PPP6R2: variants seen among roughly 807,000 people sequenced by gnomAD.
The protein encoded by PPP6R2 is serine/threonine-protein phosphatase 6 regulatory subunit 2.
A neutral mutation model predicts 100.2 loss-of-function variants in PPP6R2; 62 were observed. The observed-to-expected ratio is 0.62, with a 90% CI of 0.50 to 0.76. The LOEUF is 0.76. PPP6R2 is among the 30% of genes least tolerant of loss of function. PPP6R2 has a pLI of 0.00. For missense variants in PPP6R2, 1,142 were observed against 1,276.3 expected, an observed-to-expected ratio of 0.89 and a Z score of 1.60; for synonymous variants, 525 against 514.7, an observed-to-expected ratio of 1.02 and a Z score of -0.27.
At chr22:50,442,245 G>C (rs1284572450) in intron 22 of PPP6R2, among the ~76,000 whole-genome samples, 1 of 152,218 alleles carries the variant, frequency 6.6e-6, no homozygotes, top group Non-Finnish European at 1.5e-5. Context: ...CGGCAATCCT[G>C]GAGAGTCTGT....
the PPP6R2 span, among the ~76,000 whole-genome samples, chr22:50,337,131 T>G: frequency 3.4e-4 from 43 of 125,634 alleles, no homozygotes; most frequent in South Asian, 0.01. Flanking sequence ...TGTGTGTGTG[T>G]GGTGTGTCTG....
At chr22:50,380,108 G>T (rs2052529332) in intron 2 of PPP6R2, among the ~76,000 whole-genome samples, 1 of 152,160 alleles carries the variant, frequency 6.6e-6, no homozygotes, top group Non-Finnish European at 1.5e-5. Flanking sequence ...TCTGGTTCTG[G>T]TAAGAGTTTC....
chr22:50,436,163 T>C (rs2148261247), intron 13 of PPP6R2, among the ~76,000 whole-genome samples: 1 of 152,194 alleles, frequency 6.6e-6, no homozygotes, highest in East Asian at 2.0e-4. Flanking sequence ...TCAATCTCAC[T>C]GTGGCCCCAG....
At chr22:50,438,138 C>T (rs759661369) in intron 17 of PPP6R2, 36 bp from the exon 18 acceptor site, 1 of 1,593,056 alleles carries the variant, frequency 6.3e-7, no homozygotes, top group South Asian at 1.1e-5. Context: ...CTCCCCCAGA[C>T]CCTCTGGAAA....
At chr22:50,399,739 C>T (rs937612296) in intron 3 of PPP6R2, among the ~76,000 whole-genome samples, 1 of 152,274 alleles carries the variant, frequency 6.6e-6, no homozygotes, top group Non-Finnish European at 1.5e-5. Context: ...GCCTCACATG[C>T]AGCTAGCCCT....
At position 50,431,078 on chromosome 22, in the gene PPP6R2, G is replaced by A. The variant is rs2063060371; in HGVS notation, c.1126-95G>A. The A allele has an allele frequency of 9.7e-7, 1 of 1,035,952 alleles. No homozygotes were observed. The highest frequency in any genetic ancestry group is 1.4e-6 in the Non-Finnish European group (1 of 691,854). 64.2% of individuals were successfully genotyped at this position (1,035,952 alleles called of 1,614,324 possible). A position where few individuals can be genotyped will look rare whatever the true frequency, so the allele number is the denominator to read the frequency against. On this transcript the variant is annotated intron_variant, in intron 10 of 23. Coordinates refer to ENST00000612753, the MANE Select transcript of PPP6R2 (RefSeq NM_001242898.2). The surrounding 1 kb of genome is among the most constrained non-coding windows in gnomAD (Gnocchi z 4.8). The stretch of plus-strand genomic sequence containing the variant: ...AGAGACTGGACTTGTGAGGAGTTAG[G>A]ACGCCACCTTTAGGAAGGGTTTCCC...
At chr22:50,380,335 T>A (rs1014123790) in intron 2 of PPP6R2, among the ~76,000 whole-genome samples, 4 of 150,688 alleles carry the variant, frequency 2.7e-5, no homozygotes, top group Non-Finnish European at 5.9e-5. Flanking sequence ...CCTCCCAAAG[T>A]GCTGGGTTAC....
At chr22:50,411,938 G>A (rs547647836) in intron 4 of PPP6R2, among the ~76,000 whole-genome samples, 62 of 150,482 alleles carry the variant, frequency 4.1e-4, no homozygotes, top group African/African-American at 9.5e-4. Context: ...CCAGCTACTC[G>A]GGAGCCTGAG....
At chr22:50,441,470 G>A (rs1183858860) in intron 22 of PPP6R2, among the ~76,000 whole-genome samples, 7 of 152,206 alleles carry the variant, frequency 4.6e-5, no homozygotes, top group East Asian at 1.9e-4. Context: ...TCTGGCAGGC[G>A]AGCGGGCATC....
intron 10 of PPP6R2, among the ~76,000 whole-genome samples, chr22:50,429,331 G>T (rs940003056): frequency 6.6e-6 from 1 of 152,056 alleles, no homozygotes; most frequent in Non-Finnish European, 1.5e-5. Context: ...GCACCTGGCC[G>T]TATGTGGAAT....
upstream of PPP6R2, among the ~76,000 whole-genome samples, chr22:50,340,646 G>T (rs1409486620): frequency 1.3e-5 from 2 of 151,590 alleles, no homozygotes; most frequent in African/African-American, 4.9e-5. Flanking sequence ...AGTGACCAGG[G>T]AAACCCCCAC....
chr22:50,425,969 T>C (rs773392659), intron 10 of PPP6R2, among the ~76,000 whole-genome samples: 6 of 152,114 alleles, frequency 3.9e-5, no homozygotes, highest in Non-Finnish European at 8.8e-5. Flanking sequence ...TTGGGTTATC[T>C]TTTTACATAA....
intron 1 of PPP6R2, among the ~76,000 whole-genome samples, chr22:50,351,551 A>G (rs568235539): frequency 3.4e-4 from 51 of 152,032 alleles, no homozygotes; most frequent in Middle Eastern, 6.8e-3. Context: ...GTTGTTTGCC[A>G]TAGCCTCCTT....
chr22:50,435,106 TCTG>T (rs779764895), intron 13 of PPP6R2, 25 bp downstream of exon 13: 11 of 1,492,914 alleles, frequency 7.4e-6, no homozygotes, highest in African/African-American at 5.6e-5. Flanking sequence ...CGGTCATCCT[TCTG>T]CTGGTCGCGG....
intron 1 of PPP6R2, among the ~76,000 whole-genome samples, chr22:50,360,822 A>T (rs1309881630): frequency 1.3e-5 from 2 of 152,174 alleles, no homozygotes; most frequent in Admixed American, 1.3e-4. Context: ...AGTCTCTCTC[A>T]GGTTTGGCAC....
intron 3 of PPP6R2, among the ~76,000 whole-genome samples, chr22:50,402,863 A>AT (rs2058271246): frequency 6.6e-6 from 1 of 152,238 alleles, no homozygotes; most frequent in Non-Finnish European, 1.5e-5. Context: ...CTAGAGAATC[A>AT]GTGTCTTCTA....
In PPP6R2 at chr22:50,343,459, C is replaced by T. The variant is rs1201567602; in HGVS notation, c.-239C>T. On this transcript the variant is annotated 5_prime_UTR_variant, in exon 1 of 24. Transcript: ENST00000612753. ...TGTGTGTGCGGCCCGCCCGAGGCCGCCCGGGCTTTGCCTCCACCAGCGCCC... is the reference window on the plus strand; with the variant it reads ...TGTGTGTGCGGCCCGCCCGAGGCCGTCCGGGCTTTGCCTCCACCAGCGCCC... 1.3e-5 allele frequency: 2 copies of T among 151,476 alleles called. No individual in the cohort carries two copies. Among genetic ancestry groups the T allele is most frequent in the Non-Finnish European group, 3.0e-5 (2 of 67,654 alleles). The allele number at this position is 151,476 out of a possible 1,614,324, so 9.4% of individuals were successfully genotyped here.
rs566858916 is a variant in PPP6R2 at position 50,445,061 on chromosome 22, T to G, written c.*814T>G. 1.3e-5 allele frequency: 2 copies of G among 152,576 alleles called. No homozygotes were observed. Among genetic ancestry groups the G allele is most frequent in the Non-Finnish European group, 2.9e-5 (2 of 68,134 alleles). 9.5% of individuals were successfully genotyped at this position (152,576 alleles called of 1,614,324 possible). A position where few individuals can be genotyped will look rare whatever the true frequency, so the allele number is the denominator to read the frequency against. On this transcript the variant is annotated 3_prime_UTR_variant, in exon 24 of 24. Coordinates refer to ENST00000612753, the MANE Select transcript of PPP6R2 (RefSeq NM_001242898.2). The stretch of plus-strand genomic sequence containing the variant: ...TGACAGGGCACCCCAAACCCCCAAC[T>G]CCCAATAAAAGCCGTGACGTTCGGA...
chr22:50,334,503 C>T, the PPP6R2 span, among the ~76,000 whole-genome samples: 1 of 152,060 alleles, frequency 6.6e-6, no homozygotes. Context: ...TATATATAAT[C>T]TATTTCTAGT....
Sources: gnomAD v4.1 joint callset for allele counts (sites outside exome capture counted in the v4.1 genomes callset) on GRCh38, gnomAD v4.1.1 for gene constraint, Gnocchi (gnomAD v3.1) non-coding constraint, MANE v1.5 for transcripts, NCBI Gene and HGNC (gene_info 2026-07-23, HGNC 2026-07-21) for gene names.